ABHD12: variants seen among roughly 807,000 people sequenced by gnomAD.
The protein encoded by ABHD12 is lysophosphatidylserine lipase ABHD12.
Under a neutral mutation model 58.3 loss-of-function variants are expected in ABHD12, and 43 were observed. That is an observed-to-expected ratio of 0.74 (90% CI 0.58 to 0.95). The LOEUF is 0.95. ABHD12 is among the 40% of genes least tolerant of loss of function. The probability of loss-of-function intolerance (pLI) is 0.00; values close to 1 mark genes in which losing one functional copy is unlikely to be tolerated. For synonymous variants in ABHD12, 219 were observed against 211.2 expected (o/e 1.04, Z -0.32); for missense variants, 539 against 537.2 (o/e 1.00, Z -0.03).
At chr20:25,341,374 G>A (rs2089452132) in intron 1 of ABHD12, among the ~76,000 whole-genome samples, 1 of 152,224 alleles carries the variant, frequency 6.6e-6, no homozygotes. Flanking sequence ...AGATGATGGG[G>A]AAAACAGTTT....
chr20:25,301,002 G>GC, intron 12 of ABHD12, 118 bp from the exon 13 acceptor site: 3 of 1,067,454 alleles, frequency 2.8e-6, no homozygotes, highest in Non-Finnish European at 4.2e-6. Flanking sequence ...GCAGCCAAGA[G>GC]CCCCATGAGG....
At chr20:25,322,381 A>ATTTTT (rs199757666) in intron 3 of ABHD12, among the ~76,000 whole-genome samples, 48 of 59,192 alleles carry the variant, frequency 8.1e-4, no homozygotes, top group South Asian at 1.7e-3. Flanking sequence ...ATATATATAT[A>ATTTTT]TTTTTTTTTT....
intron 1 of ABHD12, among the ~76,000 whole-genome samples, chr20:25,355,147 G>T (rs138165066): frequency 2.1e-4 from 32 of 152,186 alleles, no homozygotes; most frequent in African/African-American, 7.7e-4. Context: ...GGGCACCACT[G>T]GATTCACTGG....
At chr20:25,329,736 C>T (rs1226180212) in intron 2 of ABHD12, among the ~76,000 whole-genome samples, 6 of 152,042 alleles carry the variant, frequency 3.9e-5, no homozygotes, top group Admixed American at 1.3e-4. Context: ...GCCTTGATAC[C>T]GGCAGCCATA....
chr20:25,346,775 A>G (rs959461919), intron 1 of ABHD12, among the ~76,000 whole-genome samples: 13 of 152,038 alleles, frequency 8.6e-5, no homozygotes, highest in Admixed American at 8.5e-4. Flanking sequence ...CCTCCCGAGC[A>G]GCTGGGACTA....
Position 25,328,542 on chromosome 20 carries a change from G to C in ABHD12, c.317-5112C>G, listed in dbSNP as rs368392243. 9.1e-4 allele frequency among the ~76,000 whole-genome samples: 138 copies of C among 152,326 alleles called. 1 individual carries two copies. In the South Asian group the frequency reaches 0.015, roughly 16 times the overall value. On this transcript the variant is annotated intron_variant, in intron 2 of 12. Coordinates refer to ENST00000339157, the MANE Select transcript of ABHD12 (RefSeq NM_001042472.3). Reference sequence around the variant, plus strand: ...CTGGCTCCGCTTCAGGCCTCACTCAGTTCTGTGTCTGCAGAAGAATGCCAA... The same window carrying C: ...CTGGCTCCGCTTCAGGCCTCACTCACTTCTGTGTCTGCAGAAGAATGCCAA...
downstream of ABHD12, chr20:25,296,373 C>A: frequency 6.2e-7 from 1 of 1,614,062 alleles, no homozygotes; most frequent in Non-Finnish European, 8.5e-7. Context: ...CCTGCAGAAC[C>A]CCAAGGAGTG....
exon 13 of ABHD12, chr20:25,295,028 G>A (rs372701114): frequency 3.1e-6 from 5 of 1,614,098 alleles, no homozygotes; most frequent in African/African-American, 1.3e-5. Flanking sequence ...GCCCTGCTGA[G>A]GTCTGTGATA....
At chr20:25,366,729 T>TACCC (rs2146098532) in intron 1 of ABHD12, among the ~76,000 whole-genome samples, 1 of 152,336 alleles carries the variant, frequency 6.6e-6, no homozygotes, top group Admixed American at 6.5e-5. Flanking sequence ...TTCAAATGGC[T>TACCC]ACCCAATTGT....
At chr20:25,339,893 G>T in intron 1 of ABHD12, 1 of 672,148 alleles carries the variant, frequency 1.5e-6, no homozygotes, top group Non-Finnish European at 2.1e-6. Flanking sequence ...ACGCGTGGGC[G>T]AGCCCCTCTG....
intron 1 of ABHD12, among the ~76,000 whole-genome samples, chr20:25,363,189 T>C (rs1281164821): frequency 6.6e-6 from 1 of 151,862 alleles, no homozygotes; most frequent in Non-Finnish European, 1.5e-5. Flanking sequence ...GTTCACCAGG[T>C]GCCAGCAGTA....
intron 1 of ABHD12, among the ~76,000 whole-genome samples, chr20:25,365,550 T>C (rs879882682): frequency 6.6e-6 from 1 of 152,230 alleles, no homozygotes; most frequent in Non-Finnish European, 1.5e-5. Context: ...ACTCTGTACA[T>C]ACCTAATTTT....
intron 12 of ABHD12, 139 bp from the exon 13 acceptor site, chr20:25,301,023 G>A: frequency 1.2e-6 from 1 of 860,968 alleles, no homozygotes; most frequent in Middle Eastern, 2.2e-4. Flanking sequence ...ATGCGCTGTA[G>A]CCCAGAGCAG....
chr20:25,354,294 AGACG>A (rs2089639979), intron 1 of ABHD12, among the ~76,000 whole-genome samples: 1 of 152,202 alleles, frequency 6.6e-6, no homozygotes, highest in African/African-American at 2.4e-5. Flanking sequence ...TAGCGGCAGA[AGACG>A]GACACAGGGT....
At chr20:25,378,816 G>A (rs1277561633) in intron 1 of ABHD12, among the ~76,000 whole-genome samples, 1 of 150,834 alleles carries the variant, frequency 6.6e-6, no homozygotes, top group Non-Finnish European at 1.5e-5. Flanking sequence ...CCGTGTCCAC[G>A]TTCACCTTTA....
chr20:25,314,889 A>T (rs1360662820), intron 6 of ABHD12, 36 bp downstream of exon 6: 1 of 1,612,674 alleles, frequency 6.2e-7, no homozygotes, highest in Admixed American at 1.7e-5. Flanking sequence ...CAAGCAGTGG[A>T]ATTGTGCTCA....
intron 1 of ABHD12, among the ~76,000 whole-genome samples, chr20:25,363,782 T>C (rs986468353): frequency 6.6e-6 from 1 of 151,956 alleles, no homozygotes; most frequent in Non-Finnish European, 1.5e-5. Context: ...GCAGAATCGC[T>C]TGAACCCAGG....
chr20:25,360,227 CTTTTTTTTT>C (rs576215687), intron 1 of ABHD12, among the ~76,000 whole-genome samples: 34 of 37,408 alleles, frequency 9.1e-4, no homozygotes, highest in South Asian at 3.9e-3. Context: ...GAACACGTTA[CTTTTTTTTT>C]TTTTTTTTTT....
chr20:25,310,908 TCATTTCCTGA>T (rs2088837868), intron 6 of ABHD12, among the ~76,000 whole-genome samples: 1 of 152,224 alleles, frequency 6.6e-6, no homozygotes, highest in Admixed American at 6.5e-5. Context: ...GCGTGGGATT[TCATTTCCTGA>T]CAGAAGTGCG....
Sources: allele counts gnomAD v4.1 joint callset (sites outside exome capture counted in the v4.1 genomes callset), GRCh38; gene constraint gnomAD v4.1.1; transcripts MANE v1.5; gene names NCBI Gene and HGNC (gene_info 2026-07-23, HGNC 2026-07-21).